Variants in SMAD2 observed in about 807,000 individuals in gnomAD.
SMAD2 encodes MAD homolog 2.
Under a neutral mutation model 64.4 loss-of-function variants are expected in SMAD2, and 8 were observed. The observed-to-expected ratio is 0.12, with a 90% CI of 0.07 to 0.22. The LOEUF is 0.22. SMAD2 is among the 10% of genes least tolerant of loss of function. SMAD2 has a pLI of 1.00. For synonymous variants in SMAD2, 203 were observed against 195.8 expected (o/e 1.04, Z -0.31); for missense variants, 289 against 561.2 (o/e 0.51, Z 4.90).
rs115582038 is a variant in SMAD2 at position 47,864,232 on chromosome 18, G to C, written c.730+827C>G. Among the ~76,000 whole-genome samples the C allele has an allele frequency of 9.9e-3, 1,511 of 152,176 alleles. 28 individuals carry two copies. Among genetic ancestry groups the C allele is most frequent in the African/African-American group, 0.035 (1,437 of 41,522 alleles). ...GGTACTCCTAAACACCCAAATGTAT[G>C]ATTAGCTACAGCAGAAACTTCTTTA... On this transcript the variant is annotated intron_variant, in intron 6 of 10. Coordinates refer to ENST00000262160, the MANE Select transcript of SMAD2 (RefSeq NM_005901.6).
chr18:47,924,068 G>A (rs2034664989), intron 1 of SMAD2, among the ~76,000 whole-genome samples: 1 of 151,936 alleles, frequency 6.6e-6, no homozygotes, highest in Non-Finnish European at 1.5e-5. Flanking sequence ...GACCAACATG[G>A]TGAAACCCCG....
At position 47,836,093 on chromosome 18, in the gene SMAD2, A is replaced by G; in HGVS notation, c.*5734T>C. 1 of 216,502 alleles carries G rather than the reference A, an allele frequency of 4.6e-6. No homozygotes were observed. Among genetic ancestry groups the G allele is most frequent in the Non-Finnish European group, 9.3e-6 (1 of 107,554 alleles). 13.4% of individuals were successfully genotyped at this position (216,502 alleles called of 1,614,324 possible). A position where few individuals can be genotyped will look rare whatever the true frequency, so the allele number is the denominator to read the frequency against. ...AGTTAAGTTAATATACTCCAGCGAG[A>G]TCACCTGTGGGTCAAGGATGGCCCA... On this transcript the variant is annotated 3_prime_UTR_variant, in exon 11 of 11. Transcript: ENST00000262160.
At position 47,872,368 on chromosome 18, in the gene SMAD2, C is replaced by G. The variant is rs1322744300; in HGVS notation, c.237-1804G>C. Among the ~76,000 whole-genome samples the G allele has an allele frequency of 2.0e-5, 3 of 151,860 alleles. No individual in the cohort carries two copies. The East Asian group carries it at 5.8e-4, about 29-fold the overall frequency. ...AAGGGTTCCACATCCTTGGATTCAA[C>G]CAACCGTGGATCAAAAAGTAGAAAA... On this transcript the variant is annotated intron_variant, in intron 2 of 10. Transcript: ENST00000262160.
At position 47,824,625 on chromosome 18, in the gene SMAD2, C is replaced by T. The variant is rs1338711829; in HGVS notation, c.*17202G>A. ...AGTTATTACACCTGAAAACTAAATT[C>T]TAGCTGATCAATAAAATTCTTTGGT... On this transcript the variant is annotated 3_prime_UTR_variant, in exon 11 of 11. Transcript: ENST00000262160. 6.6e-6 allele frequency: 1 copy of T among 152,128 alleles called. No individual in the cohort carries two copies. Among genetic ancestry groups the T allele is most frequent in the Admixed American group, 6.5e-5 (1 of 15,282 alleles). The allele number at this position is 152,128 out of a possible 1,614,324, so 9.4% of individuals were successfully genotyped here. A position where few individuals can be genotyped will look rare whatever the true frequency, so the allele number is the denominator to read the frequency against.
At chr18:47,905,206 G>GAT (rs1320232057) in intron 1 of SMAD2, among the ~76,000 whole-genome samples, 1 of 152,092 alleles carries the variant, frequency 6.6e-6, no homozygotes, top group Non-Finnish European at 1.5e-5. Context: ...GAAATTTCAA[G>GAT]AAATACGCTT....
intron 1 of SMAD2, among the ~76,000 whole-genome samples, chr18:47,918,878 T>G (rs985801595): frequency 3.9e-5 from 6 of 152,116 alleles, no homozygotes; most frequent in African/African-American, 1.4e-4. Flanking sequence ...AGAGGTCCAA[T>G]GTCCCAACAA....
rs1248896568 is a variant in SMAD2 at position 47,850,473 on chromosome 18, ATTATATATTATATATT to A, written c.784+785_784+800del. Reference sequence around the variant, plus strand: ...ATATTATATATTATACATAATATATATTATATATTATATATTATGTATAATATATGTTATATATATA... The same window carrying A: ...ATATTATATATTATACATAATATATAATGTATAATATATGTTATATATATA... On this transcript the variant is annotated intron_variant, in intron 7 of 10. Coordinates refer to ENST00000262160, the MANE Select transcript of SMAD2 (RefSeq NM_005901.6). 8.7e-4 allele frequency among the ~76,000 whole-genome samples: 17 copies of A among 19,460 alleles called. 5 individuals carry two copies. The highest frequency in any genetic ancestry group is 1.0e-3 in the Non-Finnish European group (13 of 12,920). The allele number at this position is 19,460 out of a possible 152,430, so 12.8% of individuals were successfully genotyped here.
rs988790473 is a variant in SMAD2 at position 47,840,718 on chromosome 18, C to T, written c.*1109G>A. On this transcript the variant is annotated 3_prime_UTR_variant, in exon 11 of 11. Coordinates refer to ENST00000262160, the MANE Select transcript of SMAD2 (RefSeq NM_005901.6). ...TTCATAATGCAATCTGGTTACTAAA[C>T]CAAATCAAACTACTCGAAGAGCAGA... is the stretch of plus-strand genomic sequence containing the variant. 4.3e-6 allele frequency: 1 copy of T among 231,124 alleles called. No individual in the cohort carries two copies. Among genetic ancestry groups the T allele is most frequent in the African/African-American group, 2.2e-5 (1 of 45,204 alleles). 14.3% of individuals were successfully genotyped at this position (231,124 alleles called of 1,614,324 possible). A position where few individuals can be genotyped will look rare whatever the true frequency, so the allele number is the denominator to read the frequency against.
intron 5 of SMAD2, chr18:47,866,701 T>C (rs2031587051): frequency 6.6e-6 from 1 of 152,222 alleles, no homozygotes; most frequent in African/African-American, 2.4e-5. Flanking sequence ...ATTAGCATTT[T>C]TGAGAAAATG....
At chr18:47,855,310 T>C (rs1379028578) in intron 6 of SMAD2, among the ~76,000 whole-genome samples, 1 of 152,244 alleles carries the variant, frequency 6.6e-6, no homozygotes, top group African/African-American at 2.4e-5. Context: ...ATAAAGCTGC[T>C]ATGAACATCA....
At chr18:47,877,440 C>T (rs1012851388) in intron 2 of SMAD2, among the ~76,000 whole-genome samples, 1 of 152,000 alleles carries the variant, frequency 6.6e-6, no homozygotes, top group Admixed American at 6.6e-5. Context: ...ATTTAAACAG[C>T]TCAGGAATGA....
intron 1 of SMAD2, among the ~76,000 whole-genome samples, chr18:47,897,242 T>C (rs1371363570): frequency 4.6e-5 from 7 of 152,104 alleles, no homozygotes; most frequent in African/African-American, 1.7e-4. Context: ...TCATAACTAA[T>C]AGGAGGCAAA....
chr18:47,888,468 C>T (rs2033023519), intron 2 of SMAD2, among the ~76,000 whole-genome samples: 1 of 152,192 alleles, frequency 6.6e-6, no homozygotes, highest in African/African-American at 2.4e-5. Context: ...CTAAAGAGCT[C>T]ATACTTTCAA....
At chr18:47,880,146 G>A (rs1291866963) in intron 2 of SMAD2, among the ~76,000 whole-genome samples, 2 of 151,994 alleles carry the variant, frequency 1.3e-5, no homozygotes, top group Admixed American at 6.6e-5. Flanking sequence ...AATATGTTTT[G>A]TATACCAATG....
At chr18:47,916,394 GTATA>G (rs1350514223) in intron 1 of SMAD2, among the ~76,000 whole-genome samples, 1 of 121,600 alleles carries the variant, frequency 8.2e-6, no homozygotes, top group Admixed American at 7.9e-5. Context: ...ATTGGTACAG[GTATA>G]TTTATTTATT....
At chr18:47,856,854 A>ATTTTT (rs758202544) in intron 6 of SMAD2, among the ~76,000 whole-genome samples, 3 of 123,280 alleles carry the variant, frequency 2.4e-5, no homozygotes, top group East Asian at 2.3e-4. Context: ...AACTATGCTA[A>ATTTTT]TTTTTTTTTT....
chr18:47,875,706 T>C (rs1027638654), intron 2 of SMAD2, among the ~76,000 whole-genome samples: 22 of 152,136 alleles, frequency 1.4e-4, no homozygotes, highest in Admixed American at 6.6e-5. Context: ...TTCAATTTTA[T>C]TTATAAGGGG....
chr18:47,869,146 T>C, intron 4 of SMAD2, 97 bp downstream of exon 4: 1 of 863,034 alleles, frequency 1.2e-6, no homozygotes, highest in South Asian at 1.6e-5. Context: ...TTTATTAGAA[T>C]TTACACTAAA....
At chr18:47,871,384 T>C (rs552162899) in intron 2 of SMAD2, among the ~76,000 whole-genome samples, 2 of 152,234 alleles carry the variant, frequency 1.3e-5, no homozygotes, top group Non-Finnish European at 2.9e-5. Context: ...AAAACATCTT[T>C]TGAAAATGAA....
Sources: allele counts gnomAD v4.1 joint callset (sites outside exome capture counted in the v4.1 genomes callset), GRCh38; gene constraint gnomAD v4.1.1; transcripts MANE v1.5; gene names NCBI Gene and HGNC (gene_info 2026-07-23, HGNC 2026-07-21).